Variants in NXPH1 observed in about 807,000 individuals in gnomAD.
NXPH1 encodes the protein neurexophilin 1.
Under a neutral mutation model 23.7 loss-of-function variants are expected in NXPH1, and 5 were observed. The observed-to-expected ratio is 0.21, with a 90% CI of 0.11 to 0.44. The LOEUF (loss-of-function observed/expected upper bound fraction) is 0.44, where lower values mean the gene tolerates loss of function less well. Ranked by LOEUF, NXPH1 falls within the 20% of genes least tolerant of loss-of-function variation. The pLI is 0.99. For missense variants in NXPH1, 324 were observed against 321.6 expected (o/e 1.01, Z -0.06); for synonymous variants, 144 against 122.2 (o/e 1.18, Z -1.18).
intron 2 of NXPH1, among the ~76,000 whole-genome samples, chr7:8,528,886 T>C (rs1254837858): frequency 6.6e-6 from 1 of 152,230 alleles, no homozygotes; most frequent in African/African-American, 2.4e-5. Flanking sequence ...ATATTTGTTA[T>C]TTCAGTTTCT....
At chr7:8,588,717 T>A (rs1224494409) in intron 2 of NXPH1, among the ~76,000 whole-genome samples, 1 of 152,124 alleles carries the variant, frequency 6.6e-6, no homozygotes, top group Non-Finnish European at 1.5e-5. Context: ...TTGGAGTACA[T>A]TCCTGTTTAT....
chr7:8,746,797 T>C (rs930051636), intron 2 of NXPH1, among the ~76,000 whole-genome samples: 1 of 152,008 alleles, frequency 6.6e-6, no homozygotes, highest in Non-Finnish European at 1.5e-5. Context: ...TATTTCAACC[T>C]GATTAACTAA....
chr7:8,683,908 A>T (rs975055557), intron 2 of NXPH1, among the ~76,000 whole-genome samples: 1 of 152,204 alleles, frequency 6.6e-6, no homozygotes, highest in East Asian at 1.9e-4. Context: ...AATGATAATT[A>T]TAAGAATTCA....
At chr7:8,571,522 AG>A (rs1818647590) in intron 2 of NXPH1, among the ~76,000 whole-genome samples, 2 of 151,796 alleles carry the variant, frequency 1.3e-5, no homozygotes, top group Admixed American at 1.3e-4. Context: ...AGGAAAAAGG[AG>A]TCACTTTATA....
At chr7:8,526,007 C>G (rs1817855965) in intron 2 of NXPH1, among the ~76,000 whole-genome samples, 1 of 152,162 alleles carries the variant, frequency 6.6e-6, no homozygotes, top group Non-Finnish European at 1.5e-5. Context: ...GGTAGTTCAC[C>G]AACAGACAGC....
Position 8,710,037 on chromosome 7 carries a change from G to A in NXPH1, c.55-40971G>A, listed in dbSNP as rs563280222. Among the ~76,000 whole-genome samples the A allele has an allele frequency of 1.7e-4, 26 of 152,128 alleles. No homozygotes were observed. In the South Asian group the frequency reaches 4.4e-3, roughly 26 times the overall value. On this transcript the variant is annotated intron_variant, in intron 2 of 2. Transcript: ENST00000405863. ...CAGGGCATAAATTAATCACTGCAGG[G>A]GTCAGAAAAGAATCTCCTTTGCCCT...
intron 2 of NXPH1, among the ~76,000 whole-genome samples, chr7:8,607,592 T>C (rs1819522122): frequency 6.6e-6 from 1 of 152,148 alleles, no homozygotes; most frequent in African/African-American, 2.4e-5. Flanking sequence ...TTTGACTCTT[T>C]TCTTTCTAAA....
At chr7:8,699,077 G>C (rs1779579873) in intron 2 of NXPH1, among the ~76,000 whole-genome samples, 1 of 152,100 alleles carries the variant, frequency 6.6e-6, no homozygotes. Context: ...TGGAGGATTA[G>C]AACAGATCAA....
chr7:8,738,926 G>A (rs778610662), intron 2 of NXPH1, among the ~76,000 whole-genome samples: 1 of 152,022 alleles, frequency 6.6e-6, no homozygotes, highest in Non-Finnish European at 1.5e-5. Flanking sequence ...TTTACACTGT[G>A]AGGGGAAAAT....
chr7:8,464,993 C>A (rs1816757574), intron 2 of NXPH1, among the ~76,000 whole-genome samples: 1 of 152,080 alleles, frequency 6.6e-6, no homozygotes. Context: ...ACAAATCTGG[C>A]AGCCTAAAAT....
At chr7:8,513,175 T>A (rs1817637258) in intron 2 of NXPH1, among the ~76,000 whole-genome samples, 1 of 151,996 alleles carries the variant, frequency 6.6e-6, no homozygotes, top group African/African-American at 2.4e-5. Context: ...GGTCTTTGAA[T>A]GGGGTCATGA....
intron 2 of NXPH1, among the ~76,000 whole-genome samples, chr7:8,712,258 C>T (rs1048849826): frequency 2.6e-5 from 4 of 152,028 alleles, no homozygotes; most frequent in African/African-American, 9.7e-5. Flanking sequence ...TATTTTTTTC[C>T]AACCAGGTAT....
chr7:8,690,566 A>G (rs1174179366), intron 2 of NXPH1, among the ~76,000 whole-genome samples: 1 of 152,250 alleles, frequency 6.6e-6, no homozygotes, highest in Non-Finnish European at 1.5e-5. Flanking sequence ...CAAACATTTC[A>G]GCATAGATAC....
intron 2 of NXPH1, among the ~76,000 whole-genome samples, chr7:8,691,273 T>A (rs974512405): frequency 6.6e-6 from 1 of 152,102 alleles, no homozygotes; most frequent in Non-Finnish European, 1.5e-5. Flanking sequence ...CTCAGCCTTC[T>A]GAGTAGCTGG....
rs750712726 is a variant in NXPH1 at position 8,604,098 on chromosome 7, C to T, written c.55-146910C>T. Among the ~76,000 whole-genome samples, 9 of 152,008 alleles carry T rather than the reference C, an allele frequency of 5.9e-5. No individual in the cohort carries two copies. The South Asian group carries it at 6.2e-4, about 10-fold the overall frequency. On this transcript the variant is annotated intron_variant, in intron 2 of 2. Transcript: ENST00000405863. ...TAAAAAAAAAAGTGGATGGTTCTATCCTTTCTTCTAAAGACTAAGCTGGTA... is the reference window on the plus strand; with the variant it reads ...TAAAAAAAAAAGTGGATGGTTCTATTCTTTCTTCTAAAGACTAAGCTGGTA...
intron 2 of NXPH1, among the ~76,000 whole-genome samples, chr7:8,560,283 GC>G (rs1385069862): frequency 1.3e-5 from 2 of 151,782 alleles, no homozygotes; most frequent in African/African-American, 4.8e-5. Context: ...GATGTGCTTT[GC>G]TTTACTCCTT....
chr7:8,628,466 T>A (rs77890768), intron 2 of NXPH1, among the ~76,000 whole-genome samples: 7,001 of 149,064 alleles, frequency 0.047, 358 homozygotes, highest in East Asian at 0.17. Flanking sequence ...CCAACAACAA[T>A]CAAACATTTA....
intron 2 of NXPH1, among the ~76,000 whole-genome samples, chr7:8,577,805 C>T (rs1818784003): frequency 6.6e-6 from 1 of 152,160 alleles, no homozygotes; most frequent in African/African-American, 2.4e-5. Context: ...GGCATTGGGT[C>T]TTCCATCTTG....
intron 2 of NXPH1, among the ~76,000 whole-genome samples, chr7:8,655,568 ATGTGTG>A (rs36170352): frequency 0.23 from 8,595 of 37,564 alleles, 433 homozygotes; most frequent in East Asian, 0.49. Flanking sequence ...GTGTAAATGC[ATGTGTG>A]TGTGTGTGTG....
Sources: gnomAD v4.1 joint callset for allele counts (sites outside exome capture counted in the v4.1 genomes callset) on GRCh38, gnomAD v4.1.1 for gene constraint, MANE v1.5 for transcripts, NCBI Gene and HGNC (gene_info 2026-07-23, HGNC 2026-07-21) for gene names.